CTDSPL2: variants seen among roughly 807,000 people sequenced by gnomAD.
CTDSPL2 encodes the protein CTD small phosphatase like 2.
In CTDSPL2, 5 loss-of-function variants were observed where a neutral mutation model predicts 60.0. The ratio of observed to expected loss-of-function variants is 0.08; its 90% CI spans 0.04 to 0.18. The LOEUF (loss-of-function observed/expected upper bound fraction) is 0.18. Among genes scored for constraint, CTDSPL2 ranks in the 10% least tolerant of loss-of-function variants. The pLI is 1.00. For missense variants in CTDSPL2, 370 were observed against 548.8 expected (o/e 0.67, Z 3.26); for synonymous variants, 186 against 189.3 (o/e 0.98, Z 0.14).
intron 4 of CTDSPL2, 137 bp downstream of exon 4, chr15:44,486,837 C>A: frequency 1.8e-6 from 1 of 568,124 alleles, no homozygotes; most frequent in South Asian, 2.7e-5. Flanking sequence ...TCTCCCCGCT[C>A]ACTGCAGCCT....
intron 1 of CTDSPL2, among the ~76,000 whole-genome samples, chr15:44,428,854 T>G (rs749784317): frequency 1.3e-5 from 2 of 152,250 alleles, no homozygotes; most frequent in Non-Finnish European, 2.9e-5. Context: ...AAAGCTAGTT[T>G]TACTATATTT....
chr15:44,438,477 G>A (rs1487776291), intron 1 of CTDSPL2, among the ~76,000 whole-genome samples: 8 of 152,112 alleles, frequency 5.3e-5, no homozygotes, highest in African/African-American at 1.9e-4. Flanking sequence ...AAATCATCAG[G>A]ATTTGATGAT....
At chr15:44,475,429 A>G (rs1271598110) in intron 2 of CTDSPL2, among the ~76,000 whole-genome samples, 1 of 152,222 alleles carries the variant, frequency 6.6e-6, no homozygotes, top group Non-Finnish European at 1.5e-5. Flanking sequence ...ACCTGAGGTC[A>G]GGAGTTCGAA....
chr15:44,519,357 C>T (rs893431355), intron 11 of CTDSPL2, 62 bp downstream of exon 11: 2 of 1,313,072 alleles, frequency 1.5e-6, no homozygotes, highest in African/African-American at 1.5e-5. Flanking sequence ...CACATGCTGC[C>T]AAACAGAATA....
At chr15:44,523,388 CTACATACA>C (rs61461067) in intron 12 of CTDSPL2, among the ~76,000 whole-genome samples, 14,604 of 144,908 alleles carry the variant, frequency 0.1, 875 homozygotes, top group Admixed American at 0.18. Flanking sequence ...GACCTCATCT[CTACATACA>C]TACATACATA....
chr15:44,454,484 G>A (rs1339695695), intron 1 of CTDSPL2, among the ~76,000 whole-genome samples: 2 of 152,104 alleles, frequency 1.3e-5, no homozygotes, highest in South Asian at 2.1e-4. Context: ...TGGTGTTTTA[G>A]ACATGAAGTC....
chr15:44,523,425 TAC>T (rs2081819855), intron 12 of CTDSPL2, among the ~76,000 whole-genome samples: 1 of 143,914 alleles, frequency 6.9e-6, no homozygotes, highest in Non-Finnish European at 1.6e-5. Context: ...CATACATACA[TAC>T]ATACATACAT....
chr15:44,525,752 AT>A lies in CTDSPL2; in HGVS notation c.*1583del, dbSNP rs1411729548. 1.6e-5 allele frequency: 5 copies of A among 306,724 alleles called. No individual in the cohort carries two copies. The highest frequency in any genetic ancestry group is 1.1e-4 in the African/African-American group (5 of 46,698). 19.0% of individuals were successfully genotyped at this position (306,724 alleles called of 1,614,324 possible). A position where few individuals can be genotyped will look rare whatever the true frequency, so the allele number is the denominator to read the frequency against. On this transcript the variant is annotated 3_prime_UTR_variant, in exon 13 of 13. Transcript: ENST00000260327. ...GGAAATCTTTTTAGGAAAACATTTA[AT>A]TTTTGTATTTTTGATTTTAAAGGCA...
At chr15:44,500,337 A>G (rs944537733) in intron 8 of CTDSPL2, among the ~76,000 whole-genome samples, 12 of 152,174 alleles carry the variant, frequency 7.9e-5, no homozygotes, top group African/African-American at 2.9e-4. Context: ...TTTCTCTCTC[A>G]TCTGTGCTGA....
intron 1 of CTDSPL2, among the ~76,000 whole-genome samples, chr15:44,447,026 G>T (rs1262054975): frequency 6.6e-6 from 1 of 152,048 alleles, no homozygotes; most frequent in African/African-American, 2.4e-5. Context: ...TTTTTAATCA[G>T]TTAAAATGTT....
chr15:44,501,561 T>A (rs570077630), intron 8 of CTDSPL2, among the ~76,000 whole-genome samples: 6 of 152,294 alleles, frequency 3.9e-5, no homozygotes, highest in African/African-American at 1.4e-4. Context: ...GCAGCATATA[T>A]GACTAATTAA....
chr15:44,506,487 G>A (rs1490097339), intron 8 of CTDSPL2, among the ~76,000 whole-genome samples: 2 of 134,280 alleles, frequency 1.5e-5, no homozygotes, highest in African/African-American at 5.8e-5. Flanking sequence ...CACAATCTCT[G>A]CTCACTATAG....
chr15:44,466,562 T>TA (rs2080696142), intron 2 of CTDSPL2, among the ~76,000 whole-genome samples: 1 of 152,206 alleles, frequency 6.6e-6, no homozygotes. Flanking sequence ...TCATAGTACT[T>TA]ATGTGAATCT....
intron 8 of CTDSPL2, 33 bp downstream of exon 8, chr15:44,499,846 G>A: frequency 8.2e-7 from 1 of 1,226,082 alleles, no homozygotes; most frequent in Non-Finnish European, 1.2e-6. Flanking sequence ...TTTTTGGCCT[G>A]ATAGGTAACA....
intron 1 of CTDSPL2, among the ~76,000 whole-genome samples, chr15:44,443,659 G>A (rs1271753464): frequency 6.6e-6 from 1 of 152,108 alleles, no homozygotes; most frequent in African/African-American, 2.4e-5. Flanking sequence ...GTGATAATTA[G>A]ATAATTAGTG....
chr15:44,489,716 T>C (rs1470747336), intron 4 of CTDSPL2, among the ~76,000 whole-genome samples: 1 of 152,230 alleles, frequency 6.6e-6, no homozygotes, highest in Non-Finnish European at 1.5e-5. Context: ...GAAAAAATAC[T>C]GTGTTAAATA....
At chr15:44,450,577 G>T (rs527467064) in intron 1 of CTDSPL2, among the ~76,000 whole-genome samples, 4,285 of 144,878 alleles carry the variant, frequency 0.03, 230 homozygotes, top group African/African-American at 0.1. Flanking sequence ...ACCATTAAAA[G>T]TTATATTCTT....
intron 2 of CTDSPL2, among the ~76,000 whole-genome samples, chr15:44,477,021 C>T (rs545276136): frequency 2.6e-5 from 4 of 152,264 alleles, no homozygotes; most frequent in East Asian, 1.9e-4. Context: ...CCCAGGATTT[C>T]GAGACCAACC....
chr15:44,483,035 C>T (rs2081055477), intron 2 of CTDSPL2, among the ~76,000 whole-genome samples: 1 of 151,642 alleles, frequency 6.6e-6, no homozygotes, highest in South Asian at 2.1e-4. Context: ...CCGAGGCAGG[C>T]GAATCACGAG....
Sources: allele counts gnomAD v4.1 joint callset (sites outside exome capture counted in the v4.1 genomes callset), GRCh38; gene constraint gnomAD v4.1.1; transcripts MANE v1.5; gene names NCBI Gene and HGNC (gene_info 2026-07-23, HGNC 2026-07-21).